PHF21A: variants seen among roughly 807,000 people sequenced by gnomAD.
PHF21A encodes the protein BHC80a.
A neutral mutation model predicts 82.5 loss-of-function variants in PHF21A; 11 were observed. That is an observed-to-expected ratio of 0.13 (90% confidence interval 0.08 to 0.22). The LOEUF (loss-of-function observed/expected upper bound fraction) is 0.22. Among genes scored for constraint, PHF21A ranks in the 10% least tolerant of loss-of-function variants. The pLI is 1.00. For missense variants in PHF21A, 579 were observed against 837.8 expected (o/e 0.69, Z 3.81); for synonymous variants, 297 against 302.8 (o/e 0.98, Z 0.20).
At chr11:45,958,838 A>T (rs2092899666) in intron 10 of PHF21A, among the ~76,000 whole-genome samples, 1 of 152,118 alleles carries the variant, frequency 6.6e-6, no homozygotes, top group South Asian at 2.1e-4. Context: ...GGATCACTTG[A>T]GCCTGGGAGG....
intron 6 of PHF21A, among the ~76,000 whole-genome samples, chr11:46,042,615 T>C (rs2096172739): frequency 6.6e-6 from 1 of 152,074 alleles, no homozygotes; most frequent in African/African-American, 2.4e-5. Context: ...ATCTGAATGT[T>C]TGTGTCCACT....
intron 6 of PHF21A, among the ~76,000 whole-genome samples, chr11:45,992,953 T>C (rs2094768396): frequency 6.6e-6 from 1 of 152,202 alleles, no homozygotes; most frequent in Admixed American, 6.5e-5. Context: ...GAGAAAGCAG[T>C]TGTTTAAAGA....
chr11:46,000,562 A>G (rs994848383), intron 6 of PHF21A, among the ~76,000 whole-genome samples: 52 of 152,290 alleles, frequency 3.4e-4, no homozygotes, highest in African/African-American at 1.2e-3. Flanking sequence ...AAATTGACCA[A>G]TGATCTGTCA....
rs1366445739 is a variant in PHF21A at position 46,016,938 on chromosome 11, A to G, written c.154-36972T>C. On this transcript the variant is annotated intron_variant, in intron 6 of 18. Transcript: ENST00000676320. Reference sequence around the variant, plus strand: ...TGTGCCCTGATGTGATGAAGTCACAAGGTAGTGTTCTTACTAAAAATGTTT... The same window carrying G: ...TGTGCCCTGATGTGATGAAGTCACAGGGTAGTGTTCTTACTAAAAATGTTT... Among the ~76,000 whole-genome samples the G allele has an allele frequency of 2.6e-5, 4 of 151,510 alleles. No homozygotes were observed. In the East Asian group the frequency reaches 7.8e-4, roughly 30 times the overall value.
At chr11:46,075,374 T>C (rs1051637284) in intron 6 of PHF21A, among the ~76,000 whole-genome samples, 5 of 152,152 alleles carry the variant, frequency 3.3e-5, no homozygotes, top group African/African-American at 9.7e-5. Flanking sequence ...AACACGTGAA[T>C]TTTTCAGCAA....
intron 6 of PHF21A, among the ~76,000 whole-genome samples, chr11:46,009,077 C>A (rs1248980076): frequency 6.7e-6 from 1 of 149,494 alleles, no homozygotes; most frequent in Non-Finnish European, 1.5e-5. Context: ...TGGGTTCAAG[C>A]GATTCTCCTG....
At chr11:45,985,311 T>A (rs1591606584) in intron 6 of PHF21A, among the ~76,000 whole-genome samples, 2 of 152,364 alleles carry the variant, frequency 1.3e-5, no homozygotes, top group East Asian at 3.9e-4. Context: ...GAAGAGGGGA[T>A]GTGTTACTGT....
At chr11:46,079,104 C>T (rs781661877) in intron 5 of PHF21A, 30 bp downstream of exon 5, 10 of 1,355,238 alleles carry the variant, frequency 7.4e-6, no homozygotes, top group Non-Finnish European at 8.3e-6. Flanking sequence ...TTAAATTTAA[C>T]AATTAAATGA....
intron 6 of PHF21A, among the ~76,000 whole-genome samples, chr11:46,025,541 G>A (rs1405735784): frequency 6.6e-6 from 1 of 152,124 alleles, no homozygotes; most frequent in Non-Finnish European, 1.5e-5. Context: ...CTTTACCTGA[G>A]AAGAAAATGA....
intron 6 of PHF21A, among the ~76,000 whole-genome samples, chr11:46,027,621 G>C (rs1239529677): frequency 6.6e-6 from 1 of 152,152 alleles, no homozygotes; most frequent in African/African-American, 2.4e-5. Flanking sequence ...CACTGCTTAA[G>C]ATCTTTAAAA....
At chr11:46,030,133 T>C (rs2095836216) in intron 6 of PHF21A, among the ~76,000 whole-genome samples, 2 of 152,250 alleles carry the variant, frequency 1.3e-5, no homozygotes, top group Admixed American at 1.3e-4. Context: ...AGCAAACTGC[T>C]GACTCTATCT....
At chr11:46,018,890 A>C (rs1206196471) in intron 6 of PHF21A, among the ~76,000 whole-genome samples, 3 of 152,196 alleles carry the variant, frequency 2.0e-5, no homozygotes, top group Non-Finnish European at 4.4e-5. Flanking sequence ...CTAAAATAAC[A>C]TCTCAGAGTA....
intron 1 of PHF21A, among the ~76,000 whole-genome samples, chr11:46,094,015 TAAACCACA>T (rs2096959932): frequency 1.3e-5 from 2 of 152,084 alleles, no homozygotes; most frequent in Admixed American, 6.6e-5. Flanking sequence ...AGTGAAAAGG[TAAACCACA>T]GAATCGGAGG....
At chr11:46,014,088 G>C (rs886716029) in intron 6 of PHF21A, among the ~76,000 whole-genome samples, 10 of 152,088 alleles carry the variant, frequency 6.6e-5, no homozygotes, top group Non-Finnish European at 1.5e-4. Flanking sequence ...GCTGAGGTTT[G>C]GGCTTCTATT....
At chr11:46,039,980 CAT>C (rs1437488778) in intron 6 of PHF21A, among the ~76,000 whole-genome samples, 1 of 152,170 alleles carries the variant, frequency 6.6e-6, no homozygotes, top group Non-Finnish European at 1.5e-5. Context: ...ATACAAACAG[CAT>C]TTTTTGGGAA....
At chr11:45,993,803 T>TGGAGCCAGTGGAGCCAGTG (rs1311256814) in intron 6 of PHF21A, among the ~76,000 whole-genome samples, 1 of 151,416 alleles carries the variant, frequency 6.6e-6, no homozygotes, top group Non-Finnish European at 1.5e-5. Context: ...GTGGATGCAG[T>TGGAGCCAGTGGAGCCAGTG]GATGCTGGGA....
chr11:45,962,669 G>A (rs143014906), intron 10 of PHF21A, among the ~76,000 whole-genome samples: 103,613 of 119,802 alleles, frequency 0.86, 45,340 homozygotes, highest in East Asian at 0.99. Flanking sequence ...AGGCAGGTGG[G>A]TCGCCTGAGG....
chr11:46,038,492 T>C (rs1433060728), intron 6 of PHF21A, among the ~76,000 whole-genome samples: 1 of 152,194 alleles, frequency 6.6e-6, no homozygotes, highest in Non-Finnish European at 1.5e-5. Flanking sequence ...TCTAGGTTCT[T>C]GAAGGAGGTA....
intron 14 of PHF21A, among the ~76,000 whole-genome samples, chr11:45,946,885 T>A (rs1053213775): frequency 1.3e-5 from 2 of 152,200 alleles, no homozygotes; most frequent in African/African-American, 4.8e-5. Flanking sequence ...TCCCTTGCTT[T>A]TAGAGCTATT....
Sources: gnomAD v4.1 joint callset for allele counts (sites outside exome capture counted in the v4.1 genomes callset) on GRCh38, gnomAD v4.1.1 for gene constraint, MANE v1.5 for transcripts, NCBI Gene and HGNC (gene_info 2026-07-23, HGNC 2026-07-21) for gene names.